The following SIK1 variants were observed in gnomAD, a reference collection of about 807,000 sequenced individuals.
The protein encoded by SIK1 is serine/threonine-protein kinase SIK1.
SIK1 carries 1 observed loss-of-function variant against 0.3 expected under a neutral mutation model. The observed-to-expected ratio is 3.27, with a 90% confidence interval of 1.16 to 15.53. The LOEUF is 15.53. SIK1 is among the 30% of genes most tolerant of loss of function. The pLI is 0.12.
chr21:43,415,630 A>G lies in SIK1; in HGVS notation c.*1112T>C, dbSNP rs2081028855. On this transcript the variant is annotated 3_prime_UTR_variant, in exon 14 of 14. Transcript: ENST00000270162. ...GCTGAAACCTGGAACACAAACGTAT[A>G]GTACAAAATGTAACAAATAAGTAGT... 2 of 39,298 alleles carry G rather than the reference A, an allele frequency of 5.1e-5. 1 individual carries two copies. Among genetic ancestry groups the G allele is most frequent in the Non-Finnish European group, 1.4e-4 (2 of 14,802 alleles). 2.4% of individuals were successfully genotyped at this position (39,298 alleles called of 1,614,324 possible). A position where few individuals can be genotyped will look rare whatever the true frequency, so the allele number is the denominator to read the frequency against.
At position 43,416,338 on chromosome 21, in the gene SIK1, GCACACA is replaced by G. The variant is rs72146735; in HGVS notation, c.*398_*403del. On this transcript the variant is annotated 3_prime_UTR_variant, in exon 14 of 14. Transcript: ENST00000270162. Reference sequence around the variant, plus strand: ...GAAATGGATAGTAATCAATGCACGCGCACACACACACACACACACACACACACAAGC... The same window carrying G: ...GAAATGGATAGTAATCAATGCACGCGCACACACACACACACACACACAAGC... 5.7e-4 allele frequency: 52 copies of G among 91,394 alleles called. 9 individuals are homozygous for G. Among genetic ancestry groups the G allele is most frequent in the East Asian group, 2.1e-3 (5 of 2,436 alleles). 5.7% of individuals were successfully genotyped at this position (91,394 alleles called of 1,614,324 possible).
intron 12 of SIK1, among the ~76,000 whole-genome samples, chr21:43,418,009 C>T (rs762389): frequency 0.2 from 17,835 of 89,364 alleles, 4,610 homozygotes; most frequent in African/African-American, 0.22. Context: ...AGAGTCGTCT[C>T]CTGTGCTTTC....
rs1368574880 is a variant in SIK1 at position 43,415,034 on chromosome 21, C to T, written c.*1708G>A. ...CCCATCCCAAAAACTTCTTTATGAG[C>T]GAACAGGAGACTTTGGTGTTTTCTC... On this transcript the variant is annotated 3_prime_UTR_variant, in exon 14 of 14. Coordinates refer to ENST00000270162, the MANE Select transcript of SIK1 (RefSeq NM_173354.5). The T allele has an allele frequency of 2.4e-5, 1 of 42,068 alleles. No individual in the cohort carries two copies. The highest frequency in any genetic ancestry group is 5.3e-5 in the African/African-American group (1 of 18,750). 2.6% of individuals were successfully genotyped at this position (42,068 alleles called of 1,614,324 possible).
chr21:43,416,625 CT>C lies in SIK1; in HGVS notation c.*116del, dbSNP rs2081032925. 1.2e-4 allele frequency: 1 copy of C among 8,166 alleles called. No homozygotes were observed. Among genetic ancestry groups the C allele is most frequent in the African/African-American group, 3.8e-4 (1 of 2,650 alleles). The allele number at this position is 8,166 out of a possible 1,614,324, so 0.5% of individuals were successfully genotyped here. On this transcript the variant is annotated 3_prime_UTR_variant, in exon 14 of 14. Coordinates refer to ENST00000270162, the MANE Select transcript of SIK1 (RefSeq NM_173354.5). ...AAAATAAACTAAAAAGCCAAAACAC[CT>C]AACGTATTGCTTATTTCGCTTCTAG...
chr21:43,415,122 G>GAGC lies in SIK1; in HGVS notation c.*1617_*1619dup, dbSNP rs891244011. 2 of 21,078 alleles carry GAGC rather than the reference G, an allele frequency of 9.5e-5. 1 individual carries two copies. The highest frequency in any genetic ancestry group is 2.6e-4 in the Non-Finnish European group (2 of 7,744). The allele number at this position is 21,078 out of a possible 1,614,324, so 1.3% of individuals were successfully genotyped here. A position where few individuals can be genotyped will look rare whatever the true frequency, so the allele number is the denominator to read the frequency against. ...TCGCCCAGTCTTTGAAACAGCCACAGAGCAGCAGCAGCAGCAGCAGCAGGA... is the reference window on the plus strand; with the variant it reads ...TCGCCCAGTCTTTGAAACAGCCACAGAGCAGCAGCAGCAGCAGCAGCAGCAGGA... On this transcript the variant is annotated 3_prime_UTR_variant, in exon 14 of 14. Coordinates refer to ENST00000270162, the MANE Select transcript of SIK1 (RefSeq NM_173354.5).
rs778851385 is a variant in SIK1 at position 43,417,621 on chromosome 21, T to C, written c.1898A>G (p.Gln633Arg). Residue 633 changes from glutamine to arginine, a missense_variant, in exon 13 of 14, where the codon CAG (glutamine) becomes CGG (arginine). Physicochemically the swap from Gln to Arg is conservative, Grantham distance 43. Transcript: ENST00000270162. ...GGLSPFHAPA[Q>R]SPGLHGGAAG... is the part of the protein sequence containing the mutation. ...TGCGCCGCCGTGCAGGCCTGGGCTC[T>C]GTGCAGGGGCGTGGAAGGGGCTCAG... 6.0e-6 allele frequency: 2 copies of C among 334,750 alleles called. 1 individual carries two copies. Among genetic ancestry groups the C allele is most frequent in the African/African-American group, 6.6e-5 (2 of 30,340 alleles). 20.7% of individuals were successfully genotyped at this position (334,750 alleles called of 1,614,324 possible).
chr21:43,414,774 C>T lies in SIK1; in HGVS notation c.*1968G>A, dbSNP rs531200801. ...AAAAACAAGTAAAACACGCCTTTAACGTCCTCCAAAAGAGGTTCCACAGCA... is the reference window on the plus strand; with the variant it reads ...AAAAACAAGTAAAACACGCCTTTAATGTCCTCCAAAAGAGGTTCCACAGCA... On this transcript the variant is annotated 3_prime_UTR_variant, in exon 14 of 14. Transcript: ENST00000270162. The T allele has an allele frequency of 1.9e-4, 1 of 5,228 alleles. No homozygotes were observed. Among genetic ancestry groups the T allele is most frequent in the African/African-American group, 3.5e-4 (1 of 2,858 alleles). 0.3% of individuals were successfully genotyped at this position (5,228 alleles called of 1,614,324 possible).
chr21:43,417,680 G>T lies in SIK1; in HGVS notation c.1839C>A (p.Cys613Ter). 1 of 382,714 alleles carries T rather than the reference G, an allele frequency of 2.6e-6. No individual in the cohort carries two copies. The highest frequency in any genetic ancestry group is 3.6e-6 in the Non-Finnish European group (1 of 277,924). The allele number at this position is 382,714 out of a possible 1,614,324, so 23.7% of individuals were successfully genotyped here. Residue 613 changes from cysteine to a stop codon, truncating the protein, a stop_gained, in exon 13 of 14, where the codon TGC (cysteine) becomes TGA (stop). Transcript: ENST00000270162. LOFTEE classifies it high-confidence loss of function. Reference protein sequence around the residue: ...NKIKGLARQVCQAPASRASRG... With the variant: ...NKIKGLARQV ...TGCTGGCCCGGCTGGCGGGGGCCTG[G>T]CACACCTGGCGAGCCAGCCCCTTGA...
chr21:43,417,663 C>A lies in SIK1; in HGVS notation c.1856G>T (p.Arg619Leu). The change falls in exon 13 of 14, where the codon CGG (arginine) becomes CTG (leucine). Residue 619 changes from arginine (R) to leucine (L), a missense_variant. Coordinates refer to ENST00000270162, the MANE Select transcript of SIK1 (RefSeq NM_173354.5). Reference protein sequence around the residue: ...ARQVCQAPASRASRGGLSPFH... With the variant: ...ARQVCQAPASLASRGGLSPFH... ...GGGGCTCAGGCCGCCCCTGCTGGCCCGGCTGGCGGGGGCCTGGCACACCTG... is the reference window on the plus strand; with the variant it reads ...GGGGCTCAGGCCGCCCCTGCTGGCCAGGCTGGCGGGGGCCTGGCACACCTG... 2.6e-6 allele frequency: 1 copy of A among 392,086 alleles called. No individual in the cohort carries two copies. The highest frequency in any genetic ancestry group is 3.5e-6 in the Non-Finnish European group (1 of 283,916). The allele number at this position is 392,086 out of a possible 1,614,324, so 24.3% of individuals were successfully genotyped here.
In SIK1 at chr21:43,414,627, TA is replaced by T. The variant is rs766749217; in HGVS notation, c.*2114del. ...AAGAGATAAAATAATTCAGTTATGGTAAAAAAAAAAACTATGTACATCTCAA... is the reference window on the plus strand; with the variant it reads ...AAGAGATAAAATAATTCAGTTATGGTAAAAAAAAAACTATGTACATCTCAA... On this transcript the variant is annotated 3_prime_UTR_variant, in exon 14 of 14. Transcript: ENST00000270162. The T allele has an allele frequency of 2.6e-3, 6 of 2,266 alleles. No individual in the cohort carries two copies. The highest frequency in any genetic ancestry group is 4.5e-3 in the African/African-American group (6 of 1,342). The allele number at this position is 2,266 out of a possible 1,614,324, so 0.1% of individuals were successfully genotyped here.
Position 43,415,035 on chromosome 21 carries a change from G to A in SIK1, c.*1707C>T, listed in dbSNP as rs557953823. 2.4e-5 allele frequency: 1 copy of A among 41,632 alleles called. No individual in the cohort carries two copies. Among genetic ancestry groups the A allele is most frequent in the African/African-American group, 5.4e-5 (1 of 18,528 alleles). 2.6% of individuals were successfully genotyped at this position (41,632 alleles called of 1,614,324 possible). ...CCATCCCAAAAACTTCTTTATGAGCGAACAGGAGACTTTGGTGTTTTCTCT... is the reference window on the plus strand; with the variant it reads ...CCATCCCAAAAACTTCTTTATGAGCAAACAGGAGACTTTGGTGTTTTCTCT... On this transcript the variant is annotated 3_prime_UTR_variant, in exon 14 of 14. Coordinates refer to ENST00000270162, the MANE Select transcript of SIK1 (RefSeq NM_173354.5).
chr21:43,414,793 C>A lies in SIK1; in HGVS notation c.*1949G>T. On this transcript the variant is annotated 3_prime_UTR_variant, in exon 14 of 14. Transcript: ENST00000270162. ...CTTTAACGTCCTCCAAAAGAGGTTCCACAGCAATAAGAAAAAACAAAAACC... is the reference window on the plus strand; with the variant it reads ...CTTTAACGTCCTCCAAAAGAGGTTCAACAGCAATAAGAAAAAACAAAAACC... The A allele has an allele frequency of 9.5e-5, 1 of 10,544 alleles. No individual in the cohort carries two copies. Among genetic ancestry groups the A allele is most frequent in the African/African-American group, 1.9e-4 (1 of 5,164 alleles). 0.7% of individuals were successfully genotyped at this position (10,544 alleles called of 1,614,324 possible). A position where few individuals can be genotyped will look rare whatever the true frequency, so the allele number is the denominator to read the frequency against.
At position 43,415,468 on chromosome 21, in the gene SIK1, C is replaced by T. The variant is rs954017740; in HGVS notation, c.*1274G>A. Reference sequence around the variant, plus strand: ...CCACGGAGTCCACCTGCTAAAGGTGCGCCCAGACCTGCCAGGTAAGGGCCG... The same window carrying T: ...CCACGGAGTCCACCTGCTAAAGGTGTGCCCAGACCTGCCAGGTAAGGGCCG... On this transcript the variant is annotated 3_prime_UTR_variant, in exon 14 of 14. Transcript: ENST00000270162. The T allele has an allele frequency of 5.6e-5, 2 of 35,520 alleles. 1 individual carries two copies. Among genetic ancestry groups the T allele is most frequent in the Admixed American group, 9.7e-4 (2 of 2,070 alleles). 2.2% of individuals were successfully genotyped at this position (35,520 alleles called of 1,614,324 possible).
In SIK1 at chr21:43,417,737, C is replaced by T. The variant is rs548640382; in HGVS notation, c.1782G>A (p.Thr594=). The T allele has an allele frequency of 2.9e-5, 9 of 313,050 alleles. 4 individuals are homozygous for T. The highest frequency in any genetic ancestry group is 2.5e-4 in the East Asian group (2 of 7,914). 19.4% of individuals were successfully genotyped at this position (313,050 alleles called of 1,614,324 possible). A position where few individuals can be genotyped will look rare whatever the true frequency, so the allele number is the denominator to read the frequency against. The stretch of plus-strand genomic sequence containing the variant: ...TCAGTCCCAGAAACCCTTTGGTCCG[C>T]GTGGTCTTCCTCAGCTGCTGCCGAA... ...KAFRQQLRKT[T]RTKGFLGLNK... Residue 594 remains threonine (T), a synonymous_variant, in exon 13 of 14, where the codon ACG becomes ACA. Coordinates refer to ENST00000270162, the MANE Select transcript of SIK1 (RefSeq NM_173354.5).
rs551883455 is a variant in SIK1 at position 43,416,371 on chromosome 21, GACA to G, written c.*368_*370del. 523 of 88,566 alleles carry G rather than the reference GACA, an allele frequency of 5.9e-3. 89 individuals carry two copies. The highest frequency in any genetic ancestry group is 0.018 in the African/African-American group (480 of 26,110). 5.5% of individuals were successfully genotyped at this position (88,566 alleles called of 1,614,324 possible). On this transcript the variant is annotated 3_prime_UTR_variant, in exon 14 of 14. Coordinates refer to ENST00000270162, the MANE Select transcript of SIK1 (RefSeq NM_173354.5). ...ACACACACACACACACACACAAGCG[GACA>G]ACAATGCGCCCGCTCGTTTCCGTAG...
Position 43,416,338 on chromosome 21 carries a change from GCACACACACACACA to G in SIK1, c.*390_*403del. 1 of 90,604 alleles carries G rather than the reference GCACACACACACACA, an allele frequency of 1.1e-5. No individual in the cohort carries two copies. The highest frequency in any genetic ancestry group is 3.0e-4 in the South Asian group (1 of 3,280). 5.6% of individuals were successfully genotyped at this position (90,604 alleles called of 1,614,324 possible). On this transcript the variant is annotated 3_prime_UTR_variant, in exon 14 of 14. Coordinates refer to ENST00000270162, the MANE Select transcript of SIK1 (RefSeq NM_173354.5). Reference sequence around the variant, plus strand: ...GAAATGGATAGTAATCAATGCACGCGCACACACACACACACACACACACACACAAGCGGACAACA... The same window carrying G: ...GAAATGGATAGTAATCAATGCACGCGCACACACACACACAAGCGGACAACA...
At chr21:43,426,680 A>C (rs1317661864) in intron 1 of SIK1, 1 of 8,786 alleles carries the variant, frequency 1.1e-4, no homozygotes, top group South Asian at 4.5e-3. Context: ...TCCGGTCCCC[A>C]CCCCCGACAT....
rs1321733198 is a variant in SIK1, at chr21:43,416,334, A to ACG, written c.*406_*407dup. The ACG allele has an allele frequency of 1.2e-3, 114 of 91,808 alleles. 21 individuals are homozygous for ACG. The highest frequency in any genetic ancestry group is 5.5e-3 in the African/African-American group (108 of 19,474). The allele number at this position is 91,808 out of a possible 1,614,324, so 5.7% of individuals were successfully genotyped here. ...TAAAGAAATGGATAGTAATCAATGC[A>ACG]CGCGCACACACACACACACACACAC... On this transcript the variant is annotated 3_prime_UTR_variant, in exon 14 of 14. Transcript: ENST00000270162.
In SIK1 at chr21:43,416,338, G is replaced by GCA. The variant is rs72146735; in HGVS notation, c.*402_*403dup. Reference sequence around the variant, plus strand: ...GAAATGGATAGTAATCAATGCACGCGCACACACACACACACACACACACAC... The same window carrying GCA: ...GAAATGGATAGTAATCAATGCACGCGCACACACACACACACACACACACACAC... On this transcript the variant is annotated 3_prime_UTR_variant, in exon 14 of 14. Coordinates refer to ENST00000270162, the MANE Select transcript of SIK1 (RefSeq NM_173354.5). 0.025 allele frequency: 2,305 copies of GCA among 91,232 alleles called. 557 individuals carry two copies. Among genetic ancestry groups the GCA allele is most frequent in the East Asian group, 0.18 (434 of 2,436 alleles). 5.7% of individuals were successfully genotyped at this position (91,232 alleles called of 1,614,324 possible).
Sources: gnomAD v4.1 joint callset for allele counts (sites outside exome capture counted in the v4.1 genomes callset) on GRCh38, gnomAD v4.1.1 for gene constraint, MANE v1.5 for transcripts, NCBI Gene and HGNC (gene_info 2026-07-23, HGNC 2026-07-21) for gene names.